The following PEX1 variants were observed in gnomAD, a reference collection of about 807,000 sequenced individuals.
PEX1 encodes peroxisomal ATPase PEX1.
Under a neutral mutation model 152.5 loss-of-function variants are expected in PEX1, and 97 were observed. The ratio of observed to expected loss-of-function variants is 0.64; its 90% confidence interval spans 0.54 to 0.75. The LOEUF (loss-of-function observed/expected upper bound fraction) is 0.75, where lower values mean the gene tolerates loss of function less well. Ranked by LOEUF, PEX1 falls within the 30% of genes least tolerant of loss-of-function variation. The pLI is 0.00. For synonymous variants in PEX1, 485 were observed against 531.6 expected (o/e 0.91, Z 1.21); for missense variants, 1,357 against 1,516.3 (o/e 0.89, Z 1.74).
At chr7:92,513,818 T>C (rs780736638) in intron 6 of PEX1, 30 bp downstream of exon 6, 1 of 1,539,672 alleles carries the variant, frequency 6.5e-7, no homozygotes, top group Non-Finnish European at 9.0e-7. Context: ...TGTAAAAGAA[T>C]TTTGATGTAA....
intron 13 of PEX1, among the ~76,000 whole-genome samples, chr7:92,502,599 A>G (rs112284415): frequency 0.04 from 6,140 of 152,270 alleles, 155 homozygotes; most frequent in African/African-American, 0.053. Context: ...ACAGGGTCTG[A>G]ATATTTAGGG....
Position 92,511,662 on chromosome 7 carries a change from A to G in PEX1, c.1401T>C (p.Tyr467=), listed in dbSNP as rs1792473177. ...ISEEDIKTVF[Y]SWLQQSTTTM... is the part of the protein sequence containing the mutation. ...TGGTAGTAGACTGCTGTAGCCATGA[A>G]TAAAATACAGTTTTTATGTCTTCTT... Residue 467 remains tyrosine (Y), a synonymous_variant, in exon 7 of 24, where the codon TAT becomes TAC. Coordinates refer to ENST00000248633, the MANE Select transcript of PEX1 (RefSeq NM_000466.3). 6.2e-7 allele frequency: 1 copy of G among 1,612,322 alleles called. No individual in the cohort carries two copies. The highest frequency in any genetic ancestry group is 8.5e-7 in the Non-Finnish European group (1 of 1,178,744).
chr7:92,489,414 A>C lies in PEX1; in HGVS notation c.3646T>G (p.Ser1216Ala). 1.9e-6 allele frequency: 3 copies of C among 1,613,140 alleles called. No homozygotes were observed. Among genetic ancestry groups the C allele is most frequent in the Non-Finnish European group, 2.5e-6 (3 of 1,179,198 alleles). ...TTGATTGGTCCTGGTTGGTTCATGGATTCGTCCTCCTTAAGTAAAAAAAGA... is the reference window on the plus strand; with the variant it reads ...TTGATTGGTCCTGGTTGGTTCATGGCTTCGTCCTCCTTAAGTAAAAAAAGA... ...RYRSQSGEDE[S>A]MNQPGPIKTR... The change falls in exon 23 of 24, where the codon TCC becomes GCC. Residue 1216 changes from serine (S) to alanine (A), a missense_variant. Transcript: ENST00000248633.
At chr7:92,512,970 T>C (rs919891137) in intron 6 of PEX1, among the ~76,000 whole-genome samples, 8 of 152,100 alleles carry the variant, frequency 5.3e-5, no homozygotes, top group Admixed American at 3.9e-4. Flanking sequence ...TTCCTGACTC[T>C]ACCAGTATCC....
At chr7:92,528,273 C>A (rs753825875) in intron 1 of PEX1, 34 bp downstream of exon 1, 86 of 1,547,884 alleles carry the variant, frequency 5.6e-5, no homozygotes, top group Non-Finnish European at 7.1e-5. Flanking sequence ...CGACCCCAGG[C>A]TGAAGATCAG....
At chr7:92,522,842 T>C (rs1793110426) in intron 1 of PEX1, among the ~76,000 whole-genome samples, 1 of 152,204 alleles carries the variant, frequency 6.6e-6, no homozygotes, top group African/African-American at 2.4e-5. Flanking sequence ...AATAAATGCA[T>C]GTGGCAAAAG....
In PEX1 at chr7:92,492,817, A is replaced by G. The variant is rs896272227; in HGVS notation, c.3207+136T>C. On this transcript the variant is annotated intron_variant, in intron 20 of 23. Coordinates refer to ENST00000248633, the MANE Select transcript of PEX1 (RefSeq NM_000466.3). ...CCATATTCCAACTATGGAACATTCA[A>G]CTAAAGGTAAATTTATGTTTCTATA... The G allele has an allele frequency of 4.1e-6, 3 of 739,578 alleles. No individual in the cohort carries two copies. The Admixed American group carries it at 6.0e-5, about 15-fold the overall frequency. 45.8% of individuals were successfully genotyped at this position (739,578 alleles called of 1,614,324 possible).
In PEX1 at chr7:92,502,069, C is replaced by A; in HGVS notation, c.2237G>T (p.Cys746Phe). 6.3e-7 allele frequency: 1 copy of A among 1,596,242 alleles called. No individual in the cohort carries two copies. The highest frequency in any genetic ancestry group is 8.6e-7 in the Non-Finnish European group (1 of 1,166,920). ...HIQPPNQEQR[C>F]EILCNVIKNK... ...TTTTATTACATTACACAGAATTTCA[C>A]ATCTTTGTTCCTAAAGAAAAAAACA... The change falls in exon 14 of 24, where the codon TGT (cysteine) becomes TTT (phenylalanine). Residue 746 changes from cysteine to phenylalanine, a missense_variant. Transcript: ENST00000248633.
intron 8 of PEX1, among the ~76,000 whole-genome samples, chr7:92,510,474 A>T (rs555114944): frequency 6.1e-4 from 93 of 151,696 alleles, no homozygotes; most frequent in South Asian, 1.2e-3. Flanking sequence ...TTTTAAAAAA[A>T]AAAAATAATA....
chr7:92,521,860 T>A (rs1191467570), intron 2 of PEX1, among the ~76,000 whole-genome samples: 2 of 152,050 alleles, frequency 1.3e-5, no homozygotes, highest in Non-Finnish European at 2.9e-5. Context: ...AAACCAAAAT[T>A]AGGGGATGTG....
At chr7:92,495,620 T>C (rs1388871369) in intron 17 of PEX1, among the ~76,000 whole-genome samples, 2 of 152,186 alleles carry the variant, frequency 1.3e-5, no homozygotes, top group Non-Finnish European at 2.9e-5. Context: ...TCCCTTATTA[T>C]CTTTTACATT....
chr7:92,507,265 G>T, intron 9 of PEX1, 139 bp from the exon 10 acceptor site: 1 of 695,430 alleles, frequency 1.4e-6, no homozygotes, highest in South Asian at 2.0e-5. Context: ...TTGAGAAAGG[G>T]GCTTGCTGTG....
intron 6 of PEX1, among the ~76,000 whole-genome samples, chr7:92,512,380 A>T (rs1481402232): frequency 6.6e-6 from 1 of 152,140 alleles, no homozygotes; most frequent in African/African-American, 2.4e-5. Context: ...GTGCAGTGGC[A>T]CAATCATAGC....
intron 21 of PEX1, 169 bp downstream of exon 21, chr7:92,491,103 A>C (rs1276823042): frequency 3.4e-6 from 2 of 590,394 alleles, no homozygotes; most frequent in Non-Finnish European, 6.1e-6. Context: ...AAATCTTAAC[A>C]AGGAATGCAA....
chr7:92,518,832 A>T (rs1012895036), intron 3 of PEX1, 163 bp downstream of exon 3: 5 of 641,362 alleles, frequency 7.8e-6, no homozygotes, highest in Admixed American at 2.4e-5. Flanking sequence ...GGCCTCCCAA[A>T]GTGCTGGGAC....
chr7:92,525,991 G>T (rs914844182), intron 1 of PEX1, among the ~76,000 whole-genome samples: 18 of 152,282 alleles, frequency 1.2e-4, no homozygotes, highest in Admixed American at 1.2e-3. Context: ...GAACAGAAGT[G>T]GGAAGGAGAT....
chr7:92,519,128 C>T (rs1261407974), intron 2 of PEX1, 50 bp from the exon 3 acceptor site: 3 of 1,003,440 alleles, frequency 3.0e-6, no homozygotes, highest in Non-Finnish European at 4.7e-6. Flanking sequence ...TTTTCTGTGT[C>T]ATATATTAGA....
intron 1 of PEX1, 43 bp downstream of exon 1, chr7:92,528,264 G>A: frequency 6.5e-7 from 1 of 1,545,750 alleles, no homozygotes; most frequent in Non-Finnish European, 8.7e-7. Context: ...GGCCTCGTCC[G>A]ACCCCAGGCT....
intron 13 of PEX1, among the ~76,000 whole-genome samples, chr7:92,502,412 T>C (rs1176742844): frequency 6.6e-6 from 1 of 152,242 alleles, no homozygotes; most frequent in African/African-American, 2.4e-5. Flanking sequence ...TTGTCATTTC[T>C]TTCTCCAATA....
Sources: allele counts gnomAD v4.1 joint callset (sites outside exome capture counted in the v4.1 genomes callset), GRCh38; gene constraint gnomAD v4.1.1; transcripts MANE v1.5; gene names NCBI Gene and HGNC (gene_info 2026-07-23, HGNC 2026-07-21).